The following VPS51 variants were observed in gnomAD, a reference collection of about 807,000 sequenced individuals.
VPS51 encodes VPS51 subunit of GARP complex.
Under a neutral mutation model 65.1 loss-of-function variants are expected in VPS51, and 55 were observed. The ratio of observed to expected loss-of-function variants is 0.84; its 90% confidence interval spans 0.68 to 1.06. The LOEUF (loss-of-function observed/expected upper bound fraction) is 1.06. Among genes scored for constraint, VPS51 ranks in the 50% least tolerant of loss-of-function variants. The pLI, the probability that VPS51 is intolerant of heterozygous loss-of-function variation, is 0.00. For synonymous variants in VPS51, 473 were observed against 489.5 expected (o/e 0.97, Z 0.44); for missense variants, 943 against 1,101.6 (o/e 0.86, Z 2.04).
rs1225681217 is a variant in VPS51, at chr11:65,109,368, G to GCCGTCTTCTC, written c.1534_1535insGTCTTCTCCC (p.Pro512ArgfsTer39). On this transcript the variant is annotated frameshift_variant, in exon 6 of 10. Coordinates refer to ENST00000279281, the MANE Select transcript of VPS51 (RefSeq NM_013265.4). LOFTEE classifies it high-confidence loss of function. ...CAGACGGCTCAGAGCTTCTGCGACA[G>GCCGTCTTCTC]CCCTGGGGAGAAGGGGGGTGCCACA... 6.2e-7 allele frequency: 1 copy of GCCGTCTTCTC among 1,613,148 alleles called. No homozygotes were observed. Among genetic ancestry groups the GCCGTCTTCTC allele is most frequent in the Admixed American group, 1.7e-5 (1 of 60,024 alleles).
rs201975905 is a variant in VPS51, at chr11:65,108,293, G to C, written c.822G>C (p.Ala274=). The part of the protein sequence containing the change: ...PAEELCEEFL[A]HARGRLEKEL... Reference sequence around the variant, plus strand: ...AGGAGCTGTGCGAGGAGTTCCTGGCGCACGCCCGCGGCCGGCTGGAGAAGG... The same window carrying C: ...AGGAGCTGTGCGAGGAGTTCCTGGCCCACGCCCGCGGCCGGCTGGAGAAGG... Residue 274 remains alanine, a synonymous_variant, in exon 5 of 10, where the codon GCG becomes GCC. Transcript: ENST00000279281. 1.2e-4 allele frequency: 189 copies of C among 1,602,992 alleles called. No individual in the cohort carries two copies. Among genetic ancestry groups the C allele is most frequent in the Non-Finnish European group, 1.4e-4 (170 of 1,175,728 alleles).
chr11:65,108,473 C>G lies in VPS51; in HGVS notation c.1002C>G (p.Ala334=). Residue 334 remains alanine (A), a synonymous_variant, in exon 5 of 10, where the codon GCC becomes GCG. Transcript: ENST00000279281. ...TTGCGGCCCAGGGCCCAGCAGGTGC[C>G]GAGAAGCTGGCGGCCTTCGCCCGGC... ...ELFAAQGPAG[A]EKLAAFARQL... is the part of the protein sequence containing the mutation. The G allele has an allele frequency of 6.2e-7, 1 of 1,608,788 alleles. No individual in the cohort carries two copies. Among genetic ancestry groups the G allele is most frequent in the Non-Finnish European group, 8.5e-7 (1 of 1,179,124 alleles).
Position 65,111,331 on chromosome 11 carries a change from C to T in VPS51, c.2093C>T (p.Ser698Leu), listed in dbSNP as rs1162428142. The change falls in exon 10 of 10, where the codon TCG becomes TTG. Residue 698 changes from serine (S) to leucine (L), a missense_variant. Coordinates refer to ENST00000279281, the MANE Select transcript of VPS51 (RefSeq NM_013265.4). ...VFSPVEFNKV[S>L]VLTGIIKISL... Reference sequence around the variant, plus strand: ...TCCCTGTGTCCCTGCCTGCAGGTGTCGGTGCTGACCGGCATCATCAAGATC... The same window carrying T: ...TCCCTGTGTCCCTGCCTGCAGGTGTTGGTGCTGACCGGCATCATCAAGATC... 4 of 1,602,668 alleles carry T rather than the reference C, an allele frequency of 2.5e-6. No homozygotes were observed. The highest frequency in any genetic ancestry group is 1.1e-5 in the South Asian group (1 of 91,032).
intron 7 of VPS51, 149 bp downstream of exon 7, chr11:65,110,072 C>T: frequency 1.1e-6 from 1 of 883,196 alleles, no homozygotes; most frequent in Non-Finnish European, 1.7e-6. Flanking sequence ...AGTTCTGTAG[C>T]CAGGGCGTCC....
intron 2 of VPS51, 163 bp downstream of exon 2, chr11:65,097,290 C>T: frequency 9.3e-7 from 1 of 1,075,586 alleles, no homozygotes; most frequent in Non-Finnish European, 1.3e-6. Flanking sequence ...CGTTGTCAGA[C>T]TACTATAGAG....
rs149391431 is a variant in VPS51 at position 65,108,800 on chromosome 11, C to G, written c.1329C>G (p.Ala443=). The G allele has an allele frequency of 4.0e-4, 650 of 1,612,720 alleles. No individual in the cohort carries two copies. Among genetic ancestry groups the G allele is most frequent in the Non-Finnish European group, 5.3e-4 (622 of 1,179,980 alleles). ...RVAGKEGPGL[A]ELLANVASSI... is the part of the protein sequence containing the mutation. Reference sequence around the variant, plus strand: ...CTGGGAAGGAGGGCCCTGGCCTGGCCGAGTTGCTGGCCAATGTGGCCAGCT... The same window carrying G: ...CTGGGAAGGAGGGCCCTGGCCTGGCGGAGTTGCTGGCCAATGTGGCCAGCT... The change falls in exon 5 of 10, where the codon GCC becomes GCG. Residue 443 remains alanine, a synonymous_variant. Coordinates refer to ENST00000279281, the MANE Select transcript of VPS51 (RefSeq NM_013265.4).
chr11:65,105,380 C>T (rs1238700628), intron 2 of VPS51: 4 of 150,828 alleles, frequency 2.7e-5, no homozygotes, highest in African/African-American at 9.8e-5. Flanking sequence ...CGGAGGGAGA[C>T]CCTGTCTCAA....
intron 2 of VPS51, among the ~76,000 whole-genome samples, chr11:65,101,412 CCT>C (rs1184338646): frequency 6.6e-6 from 1 of 152,078 alleles, no homozygotes; most frequent in Non-Finnish European, 1.5e-5. Flanking sequence ...CAGGGAAAAG[CCT>C]CTCCTAATTC....
In VPS51 at chr11:65,110,486, G is replaced by A; in HGVS notation, c.1883G>A (p.Gly628Glu). Residue 628 changes from glycine to glutamate, a missense_variant, in exon 8 of 10, where the codon GGG (glycine) becomes GAG (glutamate). By Grantham distance (98) the Gly-to-Glu change is moderately conservative (BLOSUM62 -2). Around this residue, in one of 2 missense-constraint regions of VPS51, gnomAD observed 855 missense variants for 953.7 expected, o/e 0.90. Coordinates refer to ENST00000279281, the MANE Select transcript of VPS51 (RefSeq NM_013265.4). ...AGTACCTCTTTTTACCACCAGGTGG[G>A]GCTCCTGTACGAAGAGGGTGTTCGC... The part of the protein sequence containing the change: ...EDTTAIDVQV[G>E]LLYEEGVRKA... 1 of 1,613,876 alleles carries A rather than the reference G, an allele frequency of 6.2e-7. No individual in the cohort carries two copies. Among genetic ancestry groups the A allele is most frequent in the Non-Finnish European group, 8.5e-7 (1 of 1,179,998 alleles).
rs182849373 is a variant in VPS51, at chr11:65,107,109, G to T, written c.359-472G>T. The stretch of plus-strand genomic sequence containing the variant: ...GGGCCCTTCAGAGAAGACAGCCCAT[G>T]TTCCGGAAAGCATGTGAAAGGCTTT... On this transcript the variant is annotated intron_variant, in intron 2 of 9. Transcript: ENST00000279281. This position sits in a 1 kb window ranked among gnomAD's most constrained non-coding sequence, Gnocchi z 4.0. The T allele has an allele frequency of 8.6e-4, 393 of 456,378 alleles. 5 individuals carry two copies. Among genetic ancestry groups the T allele is most frequent in the African/African-American group, 7.3e-3 (365 of 50,240 alleles). The allele number at this position is 456,378 out of a possible 1,614,324, so 28.3% of individuals were successfully genotyped here. A position where few individuals can be genotyped will look rare whatever the true frequency, so the allele number is the denominator to read the frequency against.
chr11:65,107,317 C>A lies in VPS51; in HGVS notation c.359-264C>A. On this transcript the variant is annotated intron_variant, in intron 2 of 9. Coordinates refer to ENST00000279281, the MANE Select transcript of VPS51 (RefSeq NM_013265.4). This position sits in a 1 kb window ranked among gnomAD's most constrained non-coding sequence, Gnocchi z 4.0. ...ACCTGCGGCCTGCTTCGGATCTGGA[C>A]TAATTCTGAGGGCCGGCTCTCCTGG... is the stretch of plus-strand genomic sequence containing the variant. 1 of 606,286 alleles carries A rather than the reference C, an allele frequency of 1.6e-6. No individual in the cohort carries two copies. Among genetic ancestry groups the A allele is most frequent in the Non-Finnish European group, 3.1e-6 (1 of 324,906 alleles). The allele number at this position is 606,286 out of a possible 1,614,324, so 37.6% of individuals were successfully genotyped here. A position where few individuals can be genotyped will look rare whatever the true frequency, so the allele number is the denominator to read the frequency against.
At chr11:65,096,518 G>GGGGGGGGGGGGGGGC in intron 1 of VPS51, 40 bp downstream of exon 1, 10 of 499,396 alleles carry the variant, frequency 2.0e-5, no homozygotes, top group East Asian at 5.2e-5. Flanking sequence ...GGGGAGGGGG[G>GGGGGGGGGGGGGGGC]AAGGGAACCA....
In VPS51 at chr11:65,107,519, C is replaced by G. The variant is rs1947850196; in HGVS notation, c.359-62C>G. The stretch of plus-strand genomic sequence containing the variant: ...CTGTGAAGGGGTGGGTGAGAAGGAG[C>G]TGAGGTTGCGCCCGCCCTGCAGTCA... On this transcript the variant is annotated intron_variant, in intron 2 of 9. Transcript: ENST00000279281. This position sits in a 1 kb window ranked among gnomAD's most constrained non-coding sequence, Gnocchi z 4.0. The G allele has an allele frequency of 1.3e-6, 2 of 1,532,212 alleles. No homozygotes were observed. Among genetic ancestry groups the G allele is most frequent in the Non-Finnish European group, 1.8e-6 (2 of 1,134,600 alleles). 94.9% of individuals were successfully genotyped at this position (1,532,212 alleles called of 1,614,324 possible). A position where few individuals can be genotyped will look rare whatever the true frequency, so the allele number is the denominator to read the frequency against.
Position 65,110,468 on chromosome 11 carries a change from C to G in VPS51, c.1879-14C>G, listed in dbSNP as rs1344948386. On this transcript the variant is annotated splice_polypyrimidine_tract_variant and intron_variant, in intron 7 of 9. Transcript: ENST00000279281. ...TGACTCGGGCCTCCTTGCAGTACCTCTTTTTACCACCAGGTGGGGCTCCTG... is the reference window on the plus strand; with the variant it reads ...TGACTCGGGCCTCCTTGCAGTACCTGTTTTTACCACCAGGTGGGGCTCCTG... 2 of 1,613,708 alleles carry G rather than the reference C, an allele frequency of 1.2e-6. No homozygotes were observed. Among genetic ancestry groups the G allele is most frequent in the Non-Finnish European group, 1.7e-6 (2 of 1,180,018 alleles).
intron 2 of VPS51, 63 bp downstream of exon 2, chr11:65,097,190 G>A: frequency 6.2e-7 from 1 of 1,605,304 alleles, no homozygotes; most frequent in Non-Finnish European, 8.5e-7. Flanking sequence ...CCTGTGTTGG[G>A]AAAACCAGCA....
chr11:65,106,765 A>AG (rs59018121), intron 2 of VPS51, among the ~76,000 whole-genome samples: 4 of 150,576 alleles, frequency 2.7e-5, no homozygotes, highest in Admixed American at 1.3e-4. Flanking sequence ...AAAAAAAAAA[A>AG]GAATAGGTGG....
chr11:65,100,734 C>G (rs756560893), intron 2 of VPS51, among the ~76,000 whole-genome samples: 2 of 151,846 alleles, frequency 1.3e-5, no homozygotes, highest in South Asian at 4.2e-4. Flanking sequence ...TTACTAGAGA[C>G]GGGATTCCAC....
chr11:65,098,576 T>C (rs1332385358), intron 2 of VPS51, among the ~76,000 whole-genome samples: 1 of 152,166 alleles, frequency 6.6e-6, no homozygotes, highest in Non-Finnish European at 1.5e-5. Context: ...TCTGGGAGCA[T>C]CTGTGGGGTT....
At chr11:65,097,302 T>C in intron 2 of VPS51, 175 bp downstream of exon 2, 2 of 930,226 alleles carry the variant, frequency 2.2e-6, no homozygotes, top group Non-Finnish European at 3.2e-6. Flanking sequence ...ACTATAGAGA[T>C]AATAGCTACT....
Sources: allele counts gnomAD v4.1 joint callset (sites outside exome capture counted in the v4.1 genomes callset), GRCh38; gene constraint gnomAD v4.1.1; regional missense constraint gnomAD v4.1.1; non-coding constraint Gnocchi (gnomAD v3.1); transcripts MANE v1.5; gene names NCBI Gene and HGNC (gene_info 2026-07-23, HGNC 2026-07-21).